TAFA4: variants seen among roughly 807,000 people sequenced by gnomAD.
TAFA4 encodes the protein TAFA chemokine like family member 4.
In TAFA4, 20 loss-of-function variants were observed where a neutral mutation model predicts 21.1. That is an observed-to-expected ratio of 0.95 (90% CI 0.67 to 1.38). TAFA4 has a LOEUF of 1.38. Ranked by LOEUF, TAFA4 falls within the 40% of genes most tolerant of loss-of-function variation. TAFA4 has a pLI of 0.00. For synonymous variants in TAFA4, 71 were observed against 67.4 expected, an observed-to-expected ratio of 1.05 and a Z score of -0.26; for missense variants, 211 against 180.9, an observed-to-expected ratio of 1.17 and a Z score of -0.95.
rs1702174229 is a variant in TAFA4, at chr3:68,732,889, AGGTATGCTCCTTG to A, written c.*240_*252del. 1 of 491,594 alleles carries A rather than the reference AGGTATGCTCCTTG, an allele frequency of 2.0e-6. No individual in the cohort carries two copies. Among genetic ancestry groups the A allele is most frequent in the Non-Finnish European group, 3.6e-6 (1 of 276,708 alleles). 30.5% of individuals were successfully genotyped at this position (491,594 alleles called of 1,614,324 possible). A position where few individuals can be genotyped will look rare whatever the true frequency, so the allele number is the denominator to read the frequency against. ...CTGATTTGCTCTTCTCGGATTTTGGAGGTATGCTCCTTGGGAATCCAGAGAGGATGTCAAATGG... is the reference window on the plus strand; with the variant it reads ...CTGATTTGCTCTTCTCGGATTTTGGAGGAATCCAGAGAGGATGTCAAATGG... On this transcript the variant is annotated 3_prime_UTR_variant, in exon 6 of 6. Transcript: ENST00000295569.
intron 3 of TAFA4, among the ~76,000 whole-genome samples, chr3:68,791,693 T>C (rs1703364286): frequency 6.6e-6 from 1 of 152,206 alleles, no homozygotes; most frequent in South Asian, 2.1e-4. Context: ...TGTGCCTCAC[T>C]CTCTTGTCAT....
At chr3:68,771,875 G>A (rs1327191377) in intron 3 of TAFA4, among the ~76,000 whole-genome samples, 6 of 152,144 alleles carry the variant, frequency 3.9e-5, no homozygotes, top group Non-Finnish European at 7.3e-5. Context: ...TGTAGTAGCT[G>A]GAATTATGCA....
chr3:68,837,615 C>G (rs899728025), intron 3 of TAFA4, among the ~76,000 whole-genome samples: 3 of 152,182 alleles, frequency 2.0e-5, no homozygotes, highest in African/African-American at 2.4e-5. Flanking sequence ...AAAGATTCCA[C>G]ATTTTTAAAA....
At chr3:68,833,236 C>T (rs1704442685) in intron 3 of TAFA4, among the ~76,000 whole-genome samples, 1 of 152,170 alleles carries the variant, frequency 6.6e-6, no homozygotes, top group African/African-American at 2.4e-5. Flanking sequence ...CCACTGATAC[C>T]TCAGTTGGAA....
chr3:68,860,759 A>C (rs1187070419), intron 3 of TAFA4, among the ~76,000 whole-genome samples: 1 of 152,182 alleles, frequency 6.6e-6, no homozygotes, highest in Non-Finnish European at 1.5e-5. Context: ...CTAAAAATAA[A>C]AATTAAATGA....
intron 5 of TAFA4, 96 bp from the exon 6 acceptor site, chr3:68,733,249 C>T: frequency 2.7e-6 from 4 of 1,458,562 alleles, no homozygotes; most frequent in Non-Finnish European, 3.7e-6. Context: ...ACTGTGAATA[C>T]TTTATCAGTT....
intron 3 of TAFA4, among the ~76,000 whole-genome samples, chr3:68,785,110 C>G (rs1703227375): frequency 6.6e-6 from 1 of 152,194 alleles, no homozygotes; most frequent in Non-Finnish European, 1.5e-5. Context: ...TTCACAAACC[C>G]TGAGCTAGAC....
chr3:68,929,675 G>A (rs551190991), intron 1 of TAFA4, among the ~76,000 whole-genome samples: 13 of 152,348 alleles, frequency 8.5e-5, no homozygotes, highest in African/African-American at 2.9e-4. Context: ...AACTCGCAAA[G>A]AGGAAGAAAG....
rs73093151 is a variant in TAFA4 at position 68,914,940 on chromosome 3, C to T, written c.-123+17300G>A. 2.0e-3 allele frequency among the ~76,000 whole-genome samples: 308 copies of T among 152,288 alleles called. 5 individuals carry two copies. In the East Asian group the frequency reaches 0.031, roughly 15 times the overall value. On this transcript the variant is annotated intron_variant, in intron 1 of 5. Transcript: ENST00000295569. ...TCAGTATTCATAAAATGTATTAGAA[C>T]ATGGTCATGCAACATTCGTTTACAT...
At chr3:68,853,680 A>G (rs1705000182) in intron 3 of TAFA4, among the ~76,000 whole-genome samples, 1 of 152,180 alleles carries the variant, frequency 6.6e-6, no homozygotes, top group Non-Finnish European at 1.5e-5. Context: ...TCAATGTAAT[A>G]AATATTTACT....
intron 3 of TAFA4, among the ~76,000 whole-genome samples, chr3:68,852,101 G>A (rs550794153): frequency 6.6e-6 from 1 of 152,276 alleles, no homozygotes; most frequent in South Asian, 2.1e-4. Context: ...CAACTGATAC[G>A]TGATGAAGAT....
chr3:68,826,572 CAAAAA>C (rs34471537), intron 3 of TAFA4, among the ~76,000 whole-genome samples: 2 of 101,726 alleles, frequency 2.0e-5, no homozygotes, highest in Non-Finnish European at 2.0e-5. Context: ...GACTCTGCCT[CAAAAA>C]AAAAAAAAAA....
intron 3 of TAFA4, among the ~76,000 whole-genome samples, chr3:68,825,397 C>T (rs1704206929): frequency 6.6e-6 from 1 of 152,122 alleles, no homozygotes; most frequent in African/African-American, 2.4e-5. Flanking sequence ...TGGGTTGACT[C>T]CAATCTCATT....
chr3:68,913,848 G>GT (rs1397069508), intron 1 of TAFA4, among the ~76,000 whole-genome samples: 1 of 152,180 alleles, frequency 6.6e-6, no homozygotes, highest in Non-Finnish European at 1.5e-5. Flanking sequence ...CTATACCTCA[G>GT]TTTCCTCACC....
intron 3 of TAFA4, among the ~76,000 whole-genome samples, chr3:68,773,919 C>A (rs546475397): frequency 2.6e-5 from 4 of 152,238 alleles, no homozygotes; most frequent in Admixed American, 6.5e-5. Context: ...AAGCAGTAAC[C>A]AACAGCCTAA....
chr3:68,868,274 G>A lies in TAFA4; in HGVS notation c.130+12456C>T, dbSNP rs567466582. On this transcript the variant is annotated intron_variant, in intron 3 of 5. Coordinates refer to ENST00000295569, the MANE Select transcript of TAFA4 (RefSeq NM_182522.5). ...AGGTTCACTATATAACGATAAAGGG[G>A]TGAATTCAGCAAGAGGATATAACAA... is the stretch of plus-strand genomic sequence containing the variant. 3.9e-5 allele frequency among the ~76,000 whole-genome samples: 6 copies of A among 152,098 alleles called. No homozygotes were observed. The South Asian group carries it at 8.3e-4, about 21-fold the overall frequency.
chr3:68,807,250 T>A (rs552529590), intron 3 of TAFA4, among the ~76,000 whole-genome samples: 2 of 152,188 alleles, frequency 1.3e-5, no homozygotes, highest in East Asian at 1.9e-4. Context: ...TGCTTAGAAT[T>A]TGAACAAAGA....
chr3:68,921,353 A>G (rs1559564086), intron 1 of TAFA4, among the ~76,000 whole-genome samples: 1 of 151,972 alleles, frequency 6.6e-6, no homozygotes, highest in Admixed American at 6.6e-5. Flanking sequence ...CAAACTTCCA[A>G]TTTTTTTAAA....
intron 3 of TAFA4, among the ~76,000 whole-genome samples, chr3:68,801,004 C>A (rs1392377591): frequency 7.2e-5 from 11 of 152,144 alleles, no homozygotes; most frequent in Non-Finnish European, 1.5e-4. Flanking sequence ...GCTAGTTAGG[C>A]TTTCAAGTGT....
Sources: allele counts gnomAD v4.1 joint callset (sites outside exome capture counted in the v4.1 genomes callset), GRCh38; gene constraint gnomAD v4.1.1; transcripts MANE v1.5; gene names NCBI Gene and HGNC (gene_info 2026-07-23, HGNC 2026-07-21).